The following OPRM1 variants were observed in gnomAD, a reference collection of about 807,000 sequenced individuals.
OPRM1 encodes the protein opioid receptor mu 1, also known as mu-type opioid receptor.
A neutral mutation model predicts 31.8 loss-of-function variants in OPRM1; 27 were observed. The ratio of observed to expected loss-of-function variants is 0.85; its 90% CI spans 0.63 to 1.17. The LOEUF is 1.17. Ranked by LOEUF, OPRM1 falls within the 50% of genes most tolerant of loss-of-function variation. The pLI, the probability that OPRM1 is intolerant of heterozygous loss-of-function variation, is 0.00. For missense variants in OPRM1, 536 were observed against 511.1 expected (o/e 1.05, Z -0.47); for synonymous variants, 196 against 189.9 (o/e 1.03, Z -0.26).
rs191406363 is a variant in OPRM1 at position 154,070,934 on chromosome 6, G to C, written c.291-18892G>C. On this transcript the variant is annotated intron_variant, in intron 1 of 3. Coordinates refer to ENST00000330432, the MANE Select transcript of OPRM1 (RefSeq NM_000914.5). ...AGAATGTTTCTACCTTAAAAGGCAG[G>C]TTTTTGTTTCTTAATCCTTTAACAA... Among the ~76,000 whole-genome samples, 169 of 152,284 alleles carry C rather than the reference G, an allele frequency of 1.1e-3. 1 individual carries two copies. The highest frequency in any genetic ancestry group is 6.8e-3 in the Middle Eastern group (2 of 294).
At chr6:154,053,031 G>T (rs1782516922) in intron 1 of OPRM1, among the ~76,000 whole-genome samples, 1 of 152,090 alleles carries the variant, frequency 6.6e-6, no homozygotes, top group Non-Finnish European at 1.5e-5. Context: ...TTTCACCCCA[G>T]GCCTCCATAT....
intron 3 of OPRM1, chr6:154,199,940 G>T: frequency 6.2e-7 from 1 of 1,614,218 alleles, no homozygotes; most frequent in Non-Finnish European, 8.5e-7. Context: ...AGATAAGGAG[G>T]AAGGAAAACT....
At chr6:154,228,625 T>C (rs1470338543) in intron 3 of OPRM1, among the ~76,000 whole-genome samples, 1 of 152,324 alleles carries the variant, frequency 6.6e-6, no homozygotes, top group South Asian at 2.1e-4. Flanking sequence ...AATACATATT[T>C]TTATGAAAAT....
intron 3 of OPRM1, 68 bp downstream of exon 3, chr6:154,091,540 A>G (rs566004107): frequency 2.0e-6 from 3 of 1,520,288 alleles, no homozygotes; most frequent in East Asian, 4.5e-5. Context: ...TTTGTGCTAA[A>G]CTAGGAGTTT....
intron 3 of OPRM1, among the ~76,000 whole-genome samples, chr6:154,226,757 T>C (rs1350349772): frequency 4.6e-5 from 7 of 152,314 alleles, no homozygotes; most frequent in Middle Eastern, 3.4e-3. Flanking sequence ...CCCTGCATGG[T>C]GTCCAGCTGC....
chr6:154,086,156 AT>A (rs1367187142), intron 1 of OPRM1, among the ~76,000 whole-genome samples: 4 of 152,144 alleles, frequency 2.6e-5, no homozygotes, highest in African/African-American at 9.7e-5. Flanking sequence ...TCCTTTTCTG[AT>A]TAGACCATCT....
intron 3 of OPRM1, among the ~76,000 whole-genome samples, chr6:154,244,753 A>G (rs1226035192): frequency 3.2e-4 from 49 of 152,196 alleles, no homozygotes; most frequent in Non-Finnish European, 8.8e-5. Context: ...TTTAAATTCT[A>G]TGAAGACAGG....
At chr6:154,202,132 A>G (rs1209807907) in intron 3 of OPRM1, among the ~76,000 whole-genome samples, 1 of 152,236 alleles carries the variant, frequency 6.6e-6, no homozygotes, top group African/African-American at 2.4e-5. Context: ...GTTCCATGCT[A>G]GACACGGATT....
At chr6:154,193,342 A>G (rs879701006) in intron 3 of OPRM1, among the ~76,000 whole-genome samples, 3 of 152,208 alleles carry the variant, frequency 2.0e-5, no homozygotes, top group Non-Finnish European at 4.4e-5. Context: ...ACGATAAAAT[A>G]GACTTTGGGG....
intron 3 of OPRM1, among the ~76,000 whole-genome samples, chr6:154,227,076 T>C (rs1346192648): frequency 6.6e-5 from 10 of 152,062 alleles, no homozygotes; most frequent in African/African-American, 2.2e-4. Context: ...CGGACGCCTG[T>C]AATCCCAGCT....
At chr6:154,045,880 A>T (rs1178451955) in intron 1 of OPRM1, among the ~76,000 whole-genome samples, 3 of 152,180 alleles carry the variant, frequency 2.0e-5, no homozygotes, top group South Asian at 2.1e-4. Flanking sequence ...CCTGAGGTGT[A>T]CAATTCTGAG....
intron 3 of OPRM1, among the ~76,000 whole-genome samples, chr6:154,162,782 CCTTACTT>C (rs1320200834): frequency 2.2e-4 from 34 of 152,284 alleles, no homozygotes; most frequent in Non-Finnish European, 3.4e-4. Context: ...TTATATCTCT[CCTTACTT>C]CTTCCCTGGA....
chr6:154,110,485 T>G, intron 3 of OPRM1: 1 of 948,232 alleles, frequency 1.1e-6, no homozygotes, highest in Non-Finnish European at 1.6e-6. Context: ...CTAGCCCTAA[T>G]GGAGACCATT....
intron 3 of OPRM1, among the ~76,000 whole-genome samples, chr6:154,201,554 G>A (rs182174052): frequency 2.0e-5 from 3 of 152,274 alleles, no homozygotes; most frequent in Non-Finnish European, 4.4e-5. Context: ...TGGTTCAGTT[G>A]CATTACATCA....
At chr6:154,214,352 T>C in intron 3 of OPRM1, 2 of 1,002,614 alleles carry the variant, frequency 2.0e-6, no homozygotes, top group South Asian at 1.3e-5. Flanking sequence ...CAGAGTTTGT[T>C]ATGAAATTAG....
intron 1 of OPRM1, among the ~76,000 whole-genome samples, chr6:154,075,146 A>G (rs2128459445): frequency 6.6e-6 from 1 of 152,354 alleles, no homozygotes; most frequent in East Asian, 1.9e-4. Flanking sequence ...TCATCAACAC[A>G]CTTGGCACAA....
rs567515773 is a variant in OPRM1 at position 154,040,741 on chromosome 6, A to G, written c.290+907A>G. ...TGGGTGCTCTAGACAAAGTGTTCTTATCAAGTAAAATTAATTCAAAAGAGT... is the reference window on the plus strand; with the variant it reads ...TGGGTGCTCTAGACAAAGTGTTCTTGTCAAGTAAAATTAATTCAAAAGAGT... On this transcript the variant is annotated intron_variant, in intron 1 of 3. Transcript: ENST00000330432. Among the ~76,000 whole-genome samples the G allele has an allele frequency of 9.2e-5, 14 of 152,212 alleles. No homozygotes were observed. In the South Asian group the frequency reaches 2.7e-3, roughly 29 times the overall value.
At chr6:154,194,331 A>T (rs546712759) in intron 3 of OPRM1, among the ~76,000 whole-genome samples, 1 of 151,994 alleles carries the variant, frequency 6.6e-6, no homozygotes, top group East Asian at 1.9e-4. Flanking sequence ...CGCAGGAGGC[A>T]GAGGTTGCCG....
chr6:154,105,967 A>G (rs1257663575), intron 3 of OPRM1, among the ~76,000 whole-genome samples: 1 of 152,208 alleles, frequency 6.6e-6, no homozygotes, highest in Non-Finnish European at 1.5e-5. Flanking sequence ...TTTTTGTGTA[A>G]GAGCAGATCA....
Sources: allele counts gnomAD v4.1 joint callset (sites outside exome capture counted in the v4.1 genomes callset), GRCh38; gene constraint gnomAD v4.1.1; transcripts MANE v1.5; gene names NCBI Gene and HGNC (gene_info 2026-07-23, HGNC 2026-07-21).